HNRNPA3: variants seen among roughly 807,000 people sequenced by gnomAD.
The protein encoded by HNRNPA3 is epididymis secretory sperm binding protein.
HNRNPA3 carries 3 observed loss-of-function variants against 45.8 expected under a neutral mutation model. The ratio of observed to expected loss-of-function variants is 0.07; its 90% confidence interval spans 0.03 to 0.17. HNRNPA3 has a LOEUF of 0.17. Among genes scored for constraint, HNRNPA3 ranks in the 10% least tolerant of loss-of-function variants. The pLI is 1.00. For missense variants in HNRNPA3, 183 were observed against 480.3 expected, an observed-to-expected ratio of 0.38 and a Z score of 5.79; for synonymous variants, 170 against 155.6, an observed-to-expected ratio of 1.09 and a Z score of -0.69.
chr2:177,215,035 G>T (rs1688870585), intron 1 of HNRNPA3, among the ~76,000 whole-genome samples: 1 of 152,190 alleles, frequency 6.6e-6, no homozygotes, highest in African/African-American at 2.4e-5. Context: ...TGAAAGGCTG[G>T]TTATAGGTTT....
chr2:177,214,045 AG>A (rs1688812984), intron 1 of HNRNPA3, among the ~76,000 whole-genome samples: 1 of 152,248 alleles, frequency 6.6e-6, no homozygotes, highest in African/African-American at 2.4e-5. Context: ...TAGGAGACAC[AG>A]GAAGACATTA....
chr2:177,213,002 G>A, intron 1 of HNRNPA3, 131 bp downstream of exon 1: 1 of 559,090 alleles, frequency 1.8e-6, no homozygotes, highest in Non-Finnish European at 2.9e-6. Flanking sequence ...TGTGGGAGGG[G>A]GAGGGGAGCG....
Position 177,217,688 on chromosome 2 carries a change from A to G in HNRNPA3, c.821-17A>G, listed in dbSNP as rs550393456. ...ACTTAAGTTTTTGTGTGGTCTTGTT[A>G]TTTGTTGTTTTTTTAGGTGGCAACT... On this transcript the variant is annotated splice_polypyrimidine_tract_variant and intron_variant, in intron 7 of 10. Transcript: ENST00000392524. 7 of 1,612,118 alleles carry G rather than the reference A, an allele frequency of 4.3e-6. No individual in the cohort carries two copies. The highest frequency in any genetic ancestry group is 3.3e-5 in the South Asian group (3 of 90,992).
chr2:177,222,905 T>G (rs1405130382), downstream of HNRNPA3: 2 of 152,772 alleles, frequency 1.3e-5, no homozygotes. Context: ...TTTTTTGTTT[T>G]GGTTCATCTG....
intron 1 of HNRNPA3, among the ~76,000 whole-genome samples, chr2:177,213,322 C>T (rs1419290288): frequency 6.6e-6 from 1 of 152,234 alleles, no homozygotes. Flanking sequence ...TGGCCGCCGC[C>T]TCGCTCTGCC....
intron 1 of HNRNPA3, 85 bp from the exon 2 acceptor site, chr2:177,215,454 A>T: frequency 1.5e-6 from 2 of 1,339,676 alleles, no homozygotes; most frequent in Non-Finnish European, 2.1e-6. Context: ...TGTTGATTTT[A>T]TTACTTACCG....
chr2:177,215,632 G>A (rs1161115029), exon 2 of HNRNPA3: 1 of 1,613,848 alleles, frequency 6.2e-7, no homozygotes, highest in Non-Finnish European at 8.5e-7. Flanking sequence ...AGAACATTTT[G>A]AGAAATGGGG....
chr2:177,213,931 G>C (rs781528203), intron 1 of HNRNPA3, among the ~76,000 whole-genome samples: 1 of 152,180 alleles, frequency 6.6e-6, no homozygotes, highest in Non-Finnish European at 1.5e-5. Flanking sequence ...ATTTATCCAA[G>C]ACTTGAAAAG....
At chr2:177,223,421 A>AGTCC (rs1004986685), downstream of HNRNPA3, 4 of 152,204 alleles carry the variant, frequency 2.6e-5, no homozygotes, top group African/African-American at 9.7e-5. Context: ...TTGTTATATA[A>AGTCC]GTGATTGGGG....
At chr2:177,221,294 A>C (rs2105439979), downstream of HNRNPA3, 2 of 152,736 alleles carry the variant, frequency 1.3e-5, 1 homozygote, top group South Asian at 4.1e-4. Flanking sequence ...ACCTGGTCAA[A>C]ATAATGCTTG....
At chr2:177,218,200 T>A (rs1234276960) in intron 8 of HNRNPA3, among the ~76,000 whole-genome samples, 1 of 152,064 alleles carries the variant, frequency 6.6e-6, no homozygotes, top group Non-Finnish European at 1.5e-5. Flanking sequence ...TAGCTGGGAC[T>A]ACAGGCGTAT....
At chr2:177,214,788 C>CA (rs1688859325) in intron 1 of HNRNPA3, among the ~76,000 whole-genome samples, 1 of 152,182 alleles carries the variant, frequency 6.6e-6, no homozygotes, top group Non-Finnish European at 1.5e-5. Context: ...GAGCGAGACT[C>CA]AGTCTCAAAA....
chr2:177,212,942 A>C, intron 1 of HNRNPA3, 71 bp downstream of exon 1: 1 of 1,042,948 alleles, frequency 9.6e-7, no homozygotes, highest in East Asian at 3.2e-5. Context: ...GGGAGCGGGG[A>C]GGCCGGGTGG....
chr2:177,220,819 C>T (rs1339435745), downstream of HNRNPA3: 4 of 152,590 alleles, frequency 2.6e-5, no homozygotes, highest in Non-Finnish European at 5.9e-5. Flanking sequence ...TTAATAAGGT[C>T]ATATATACAT....
intron 10 of HNRNPA3, 42 bp downstream of exon 10, chr2:177,219,356 G>T: frequency 7.1e-7 from 1 of 1,407,506 alleles, no homozygotes. Context: ...AAAAGAATAT[G>T]TGGAACTGTT....
intron 1 of HNRNPA3, among the ~76,000 whole-genome samples, chr2:177,213,136 G>A (rs1304155219): frequency 6.6e-6 from 1 of 152,078 alleles, no homozygotes; most frequent in Non-Finnish European, 1.5e-5. Context: ...TGCCGGCTGC[G>A]CGGCCTCCGA....
At chr2:177,215,812 T>C in exon 3 of HNRNPA3, 1 of 1,611,268 alleles carries the variant, frequency 6.2e-7, no homozygotes, top group Non-Finnish European at 8.5e-7. Context: ...ATTCTTGTGT[T>C]GAAGAGGTGG....
At chr2:177,215,992 T>C in exon 4 of HNRNPA3, 1 of 1,601,572 alleles carries the variant, frequency 6.2e-7, no homozygotes, top group Non-Finnish European at 8.5e-7. Context: ...CTGTAAAGCC[T>C]GGTGCCCATC....
chr2:177,219,631 T>C (rs528249482), exon 11 of HNRNPA3: 1 of 216,180 alleles, frequency 4.6e-6, no homozygotes, highest in African/African-American at 2.3e-5. Flanking sequence ...TAATGCAATG[T>C]AGTGTCAATT....
Sources: gnomAD v4.1 joint callset for allele counts (sites outside exome capture counted in the v4.1 genomes callset) on GRCh38, gnomAD v4.1.1 for gene constraint, MANE v1.5 for transcripts, NCBI Gene and HGNC (gene_info 2026-07-23, HGNC 2026-07-21) for gene names.